TOX3: variants seen among roughly 807,000 people sequenced by gnomAD.
The protein encoded by TOX3 is CAG trinucleotide repeat-containing gene F9 protein.
Under a neutral mutation model 64.3 loss-of-function variants are expected in TOX3, and 22 were observed. That is an observed-to-expected ratio of 0.34 (90% CI 0.24 to 0.49). The LOEUF is 0.49. TOX3 is among the 20% of genes least tolerant of loss of function. The pLI is 0.99. For synonymous variants in TOX3, 291 were observed against 273.6 expected (o/e 1.06, Z -0.63); for missense variants, 661 against 714.4 (o/e 0.93, Z 0.85).
chr16:52,457,333 T>C (rs553719523), intron 3 of TOX3, among the ~76,000 whole-genome samples: 65 of 152,180 alleles, frequency 4.3e-4, no homozygotes, highest in Non-Finnish European at 7.4e-4. Context: ...TACACTTGGG[T>C]TGATTTCATC....
At chr16:52,505,023 C>CA (rs1216824578) in intron 1 of TOX3, among the ~76,000 whole-genome samples, 1 of 151,986 alleles carries the variant, frequency 6.6e-6, no homozygotes, top group Non-Finnish European at 1.5e-5. Context: ...TTAGTAGAGA[C>CA]GGGTTTCACC....
Position 52,439,187 on chromosome 16 carries a change from C to G in TOX3, c.*38G>C. On this transcript the variant is annotated 3_prime_UTR_variant, in exon 7 of 7. Coordinates refer to ENST00000219746, the MANE Select transcript of TOX3 (RefSeq NM_001080430.4). ...ATATGCTTTTCCCTCCTATGCCACT[C>G]TCCTTGGTATACGCAAATCCGTCTG... is the stretch of plus-strand genomic sequence containing the variant. 1.9e-6 allele frequency: 3 copies of G among 1,613,160 alleles called. No homozygotes were observed. The highest frequency in any genetic ancestry group is 2.5e-6 in the Non-Finnish European group (3 of 1,179,564).
chr16:52,483,356 T>C (rs1279862643), intron 1 of TOX3, among the ~76,000 whole-genome samples: 1 of 152,146 alleles, frequency 6.6e-6, no homozygotes, highest in Non-Finnish European at 1.5e-5. Context: ...AAATACATTA[T>C]ATTAAGTCAA....
At chr16:52,493,302 G>A (rs148986792) in intron 1 of TOX3, among the ~76,000 whole-genome samples, 187 of 152,198 alleles carry the variant, frequency 1.2e-3, no homozygotes, top group African/African-American at 4.2e-3. Context: ...CACACACATC[G>A]TATAACCACA....
chr16:52,455,232 C>T (rs1483252678), intron 3 of TOX3, among the ~76,000 whole-genome samples: 1 of 151,848 alleles, frequency 6.6e-6, no homozygotes, highest in Non-Finnish European at 1.5e-5. Context: ...TTCTAATTGG[C>T]GATATTAGAT....
At chr16:52,477,552 C>T (rs1372864861) in intron 1 of TOX3, among the ~76,000 whole-genome samples, 3 of 152,138 alleles carry the variant, frequency 2.0e-5, no homozygotes, top group African/African-American at 7.2e-5. Flanking sequence ...AAGCGCTTTA[C>T]AGGAGTCAGA....
intron 1 of TOX3, chr16:52,519,681 G>A: frequency 8.8e-7 from 1 of 1,141,450 alleles, no homozygotes; most frequent in Non-Finnish European, 1.2e-6. Context: ...GAATGGGCTG[G>A]GCGCAGTCGC....
rs538816875 is a variant in TOX3, at chr16:52,501,460, C to T, written c.88-32886G>A. On this transcript the variant is annotated intron_variant, in intron 1 of 6. Coordinates refer to ENST00000219746, the MANE Select transcript of TOX3 (RefSeq NM_001080430.4). ...GCTGAGGCGGGCGGATCACCTGAGG[C>T]CAGGAGTTCGAGACCAGCCTGGCCA... Among the ~76,000 whole-genome samples the T allele has an allele frequency of 2.0e-5, 3 of 152,020 alleles. No homozygotes were observed. In the South Asian group the frequency reaches 6.2e-4, roughly 32 times the overall value.
chr16:52,545,465 G>A (rs1963154085), intron 1 of TOX3, among the ~76,000 whole-genome samples: 1 of 152,180 alleles, frequency 6.6e-6, no homozygotes, highest in African/African-American at 2.4e-5. Flanking sequence ...CAGCCACGGG[G>A]CACAGCAAAC....
chr16:52,442,233 TAGC>T (rs1960017026), intron 6 of TOX3, among the ~76,000 whole-genome samples: 1 of 152,174 alleles, frequency 6.6e-6, no homozygotes, highest in African/African-American at 2.4e-5. Flanking sequence ...TTAAAAGTGA[TAGC>T]AGAGTCGTAT....
rs987953885 is a variant in TOX3, at chr16:52,439,440, G to A, written c.1516C>T (p.Leu506=). 2.1e-5 allele frequency: 32 copies of A among 1,528,916 alleles called. No individual in the cohort carries two copies. The Middle Eastern group carries it at 7.1e-4, about 34-fold the overall frequency. The allele number at this position is 1,528,916 out of a possible 1,614,324, so 94.7% of individuals were successfully genotyped here. ...AGGCGCTGCTGCAGCTGCTGCTGCA[G>A]CTGCTGTTGATTAATTTGCTGCTGG... ...HLQQQINQQQ[L]QQQLQQRLQL... is the part of the protein sequence containing the mutation. Residue 506 remains leucine, a synonymous_variant, in exon 7 of 7, where the codon CTG becomes TTG. Coordinates refer to ENST00000219746, the MANE Select transcript of TOX3 (RefSeq NM_001080430.4).
At chr16:52,530,829 C>G (rs764634785) in intron 1 of TOX3, among the ~76,000 whole-genome samples, 3 of 152,114 alleles carry the variant, frequency 2.0e-5, no homozygotes, top group Non-Finnish European at 4.4e-5. Context: ...CTACGTTTTC[C>G]TTTACTTGGT....
chr16:52,441,135 C>T (rs79846586), intron 6 of TOX3, among the ~76,000 whole-genome samples: 4,983 of 152,096 alleles, frequency 0.033, 192 homozygotes, highest in African/African-American at 0.098. Context: ...TTTAGGAAAG[C>T]GCCTGGTCCA....
chr16:52,500,576 C>G (rs977027728), intron 1 of TOX3, among the ~76,000 whole-genome samples: 1 of 152,164 alleles, frequency 6.6e-6, no homozygotes, highest in Admixed American at 6.5e-5. Context: ...TCAAGACCTT[C>G]CAACTATTGT....
chr16:52,478,600 C>T (rs1961285250), intron 1 of TOX3, among the ~76,000 whole-genome samples: 1 of 152,168 alleles, frequency 6.6e-6, no homozygotes, highest in South Asian at 2.1e-4. Flanking sequence ...AATGCTGTTT[C>T]CTTGGAAGAG....
chr16:52,468,800 GACTA>G (rs1385526155), intron 1 of TOX3, among the ~76,000 whole-genome samples: 3 of 152,156 alleles, frequency 2.0e-5, no homozygotes, highest in Non-Finnish European at 4.4e-5. Flanking sequence ...TTCTCATCAA[GACTA>G]ACTGTGAAGG....
In TOX3 at chr16:52,494,832, AGTTT is replaced by A. The variant is rs1267721408; in HGVS notation, c.88-26262_88-26259del. Among the ~76,000 whole-genome samples the A allele has an allele frequency of 2.6e-5, 4 of 152,272 alleles. No homozygotes were observed. In the East Asian group the frequency reaches 5.8e-4, roughly 22 times the overall value. On this transcript the variant is annotated intron_variant, in intron 1 of 6. Transcript: ENST00000219746. ...ATTCTAGAGGAGAGAGGTTTTTTTCAGTTTGTTTGCTCTTTGGTGACAAACCATC... is the reference window on the plus strand; with the variant it reads ...ATTCTAGAGGAGAGAGGTTTTTTTCAGTTTGCTCTTTGGTGACAAACCATC...
chr16:52,483,632 G>C (rs1260274508), intron 1 of TOX3, among the ~76,000 whole-genome samples: 1 of 145,488 alleles, frequency 6.9e-6, no homozygotes, highest in East Asian at 2.1e-4. Context: ...GCAGTGGCGC[G>C]ATCACGGCTC....
At position 52,463,938 on chromosome 16, in the gene TOX3, T is replaced by A. The variant is rs370436866; in HGVS notation, c.404A>T (p.His135Leu). 7 of 1,525,394 alleles carry A rather than the reference T, an allele frequency of 4.6e-6. No individual in the cohort carries two copies. The highest frequency in any genetic ancestry group is 1.4e-5 in the African/African-American group (1 of 71,928). 94.5% of individuals were successfully genotyped at this position (1,525,394 alleles called of 1,614,324 possible). A position where few individuals can be genotyped will look rare whatever the true frequency, so the allele number is the denominator to read the frequency against. The change falls in exon 3 of 7, where the codon CAT becomes CTT. Residue 135 changes from histidine (H) to leucine (L), a missense_variant. His to Leu is a moderately conservative substitution (Grantham distance 99, BLOSUM62 -3). Around this residue, in one of 3 missense-constraint regions of TOX3, gnomAD observed 259 missense variants for 261.2 expected, o/e 0.99. Transcript: ENST00000219746. Reference sequence around the variant, plus strand: ...AGTAATAAATGTGGTGCCTACCATATGCAACCCACTGCTATGAAGCACGCC... The same window carrying A: ...AGTAATAAATGTGGTGCCTACCATAAGCAACCCACTGCTATGAAGCACGCC... ...QDGVLHSSGL[H>L]MDQSHTQVSQ...
Sources: gnomAD v4.1 joint callset for allele counts (sites outside exome capture counted in the v4.1 genomes callset) on GRCh38, gnomAD v4.1.1 for gene constraint, gnomAD v4.1.1 regional missense constraint, MANE v1.5 for transcripts, NCBI Gene and HGNC (gene_info 2026-07-23, HGNC 2026-07-21) for gene names.